The following PDZK1 variants were observed in gnomAD, a reference collection of about 807,000 sequenced individuals.
PDZK1 encodes Na(+)/H(+) exchange regulatory cofactor NHE-RF3.
In PDZK1, 23 loss-of-function variants were observed where a neutral mutation model predicts 38.1. That is an observed-to-expected ratio of 0.60 (90% CI 0.43 to 0.85). The LOEUF (loss-of-function observed/expected upper bound fraction) is 0.85. PDZK1 is among the 40% of genes least tolerant of loss of function. PDZK1 has a pLI of 0.00. For missense variants in PDZK1, 297 were observed against 504.3 expected (o/e 0.59, Z 3.94); for synonymous variants, 98 against 186.2 (o/e 0.53, Z 3.86).
chr1:145,696,838 C>T (rs1655657595), intron 1 of PDZK1, among the ~76,000 whole-genome samples: 1 of 152,114 alleles, frequency 6.6e-6, no homozygotes, highest in African/African-American at 2.4e-5. Context: ...AATGAGATGG[C>T]AATGTCAGTT....
chr1:145,693,715 A>G (rs1165183127), intron 1 of PDZK1, among the ~76,000 whole-genome samples: 1 of 151,674 alleles, frequency 6.6e-6, no homozygotes, highest in African/African-American at 2.4e-5. Context: ...CGGAGCTTGC[A>G]GTGAGCTGAG....
At chr1:145,672,675 A>T in intron 8 of PDZK1, 55 bp downstream of exon 8, 2 of 1,602,780 alleles carry the variant, frequency 1.2e-6, no homozygotes, top group Non-Finnish European at 1.7e-6. Flanking sequence ...ACTCATAGGG[A>T]CTGTACCCAT....
intron 1 of PDZK1, among the ~76,000 whole-genome samples, chr1:145,689,599 A>T (rs1302620900): frequency 1.3e-5 from 2 of 152,212 alleles, no homozygotes; most frequent in East Asian, 3.8e-4. Context: ...GAACAGCAAG[A>T]GGCTGATACA....
chr1:145,703,848 G>C (rs890323613), intron 1 of PDZK1, among the ~76,000 whole-genome samples: 1 of 151,904 alleles, frequency 6.6e-6, no homozygotes, highest in South Asian at 2.1e-4. Flanking sequence ...GGCCAGGAGG[G>C]ATGGAATCTT....
At chr1:145,696,350 T>C (rs1205012503) in intron 1 of PDZK1, among the ~76,000 whole-genome samples, 1 of 152,186 alleles carries the variant, frequency 6.6e-6, no homozygotes, top group Non-Finnish European at 1.5e-5. Context: ...CGAACTCCCC[T>C]TCTATTATAG....
chr1:145,688,086 C>T (rs1421369321), intron 1 of PDZK1, 63 bp from the exon 2 acceptor site: 6 of 1,298,398 alleles, frequency 4.6e-6, no homozygotes, highest in Non-Finnish European at 6.7e-6. Context: ...AGTGAGAACC[C>T]CATCCTCCAT....
chr1:145,676,798 C>T, intron 6 of PDZK1, among the ~76,000 whole-genome samples: 1 of 152,086 alleles, frequency 6.6e-6, no homozygotes, highest in Middle Eastern at 3.4e-3. Context: ...CTCTCTTCTC[C>T]AAAGCCTTAC....
intron 1 of PDZK1, among the ~76,000 whole-genome samples, chr1:145,694,300 G>A (rs1322158008): frequency 6.6e-6 from 1 of 152,316 alleles, no homozygotes; most frequent in African/African-American, 2.4e-5. Flanking sequence ...AGTGATGGTT[G>A]CCAGATTTAC....
At chr1:145,688,047 T>G (rs1553702350) in intron 1 of PDZK1, 24 bp from the exon 2 acceptor site, 6 of 1,579,922 alleles carry the variant, frequency 3.8e-6, no homozygotes, top group Non-Finnish European at 4.3e-6. Context: ...AATAAATTAA[T>G]AAAACCATGG....
At chr1:145,692,143 G>A (rs1247059748) in intron 1 of PDZK1, among the ~76,000 whole-genome samples, 1 of 152,100 alleles carries the variant, frequency 6.6e-6, no homozygotes, top group Non-Finnish European at 1.5e-5. Flanking sequence ...AAGGAGGGTG[G>A]TATGACCTCT....
At chr1:145,674,157 C>G in intron 6 of PDZK1, 1 of 984,926 alleles carries the variant, frequency 1.0e-6, no homozygotes, top group African/African-American at 1.7e-5. Context: ...CAAAAGAAGT[C>G]TAAAAAATTG....
intron 5 of PDZK1, among the ~76,000 whole-genome samples, chr1:145,678,989 G>A (rs1286246602): frequency 5.3e-5 from 8 of 151,348 alleles, no homozygotes; most frequent in South Asian, 4.2e-4. Context: ...GTAGCCACGC[G>A]TCTTATGTAA....
chr1:145,693,329 C>A (rs782340295), intron 1 of PDZK1, among the ~76,000 whole-genome samples: 1 of 152,136 alleles, frequency 6.6e-6, no homozygotes, highest in Non-Finnish European at 1.5e-5. Flanking sequence ...ATTTAATGCT[C>A]GCAATCACCT....
At chr1:145,699,174 G>T (rs1282549436) in intron 1 of PDZK1, among the ~76,000 whole-genome samples, 1 of 152,214 alleles carries the variant, frequency 6.6e-6, no homozygotes, top group African/African-American at 2.4e-5. Context: ...GGAGGCAAAG[G>T]TTGCAGTGAG....
Position 145,682,745 on chromosome 1 carries a change from G to A in PDZK1, c.461-109C>T, listed in dbSNP as rs1379908994. ...AGCCCCAGTCCTGTGATTGCCTCCC[G>A]ATTTCTACTTCATTTACTGTCCCTA... On this transcript the variant is annotated intron_variant, in intron 3 of 8. Transcript: ENST00000417171. 3.9e-5 allele frequency: 53 copies of A among 1,355,954 alleles called. No homozygotes were observed. The African/African-American group carries it at 6.5e-4, about 17-fold the overall frequency. The allele number at this position is 1,355,954 out of a possible 1,614,324, so 84.0% of individuals were successfully genotyped here. A position where few individuals can be genotyped will look rare whatever the true frequency, so the allele number is the denominator to read the frequency against.
chr1:145,696,264 A>G (rs9701532), intron 1 of PDZK1, among the ~76,000 whole-genome samples: 3,151 of 152,280 alleles, frequency 0.021, 112 homozygotes, highest in African/African-American at 0.072. Context: ...GGCCAGCTGT[A>G]TACTTTCCCT....
Position 145,687,999 on chromosome 1 carries a change from C to CG in PDZK1, c.22dup (p.Arg8ProfsTer4). The stretch of plus-strand genomic sequence containing the variant: ...TTCTTGCTTGGACAGTTTACATTCT[C>CG]GGGGGTTGAAGGTGGAGGTCATTTC... On this transcript the variant is annotated frameshift_variant, in exon 2 of 9. Transcript: ENST00000417171. LOFTEE classifies it high-confidence loss of function. 1 of 1,612,966 alleles carries CG rather than the reference C, an allele frequency of 6.2e-7. No individual in the cohort carries two copies. The highest frequency in any genetic ancestry group is 1.1e-5 in the South Asian group (1 of 90,976).
chr1:145,703,753 T>C (rs1656097998), intron 1 of PDZK1, among the ~76,000 whole-genome samples: 1 of 151,920 alleles, frequency 6.6e-6, no homozygotes, highest in Non-Finnish European at 1.5e-5. Context: ...GGTTAGACTG[T>C]GAGCACTGGA....
At chr1:145,683,603 T>C (rs1469135871) in intron 3 of PDZK1, among the ~76,000 whole-genome samples, 2 of 152,042 alleles carry the variant, frequency 1.3e-5, no homozygotes, top group Non-Finnish European at 2.9e-5. Context: ...ATAGAGCAGT[T>C]CCCCCTTAAC....
Sources: allele counts gnomAD v4.1 joint callset (sites outside exome capture counted in the v4.1 genomes callset), GRCh38; gene constraint gnomAD v4.1.1; transcripts MANE v1.5; gene names NCBI Gene and HGNC (gene_info 2026-07-23, HGNC 2026-07-21).